The following PAX9 variants were observed in gnomAD, a reference collection of about 807,000 sequenced individuals.
The protein encoded by PAX9 is paired box protein Pax-9.
Under a neutral mutation model 29.1 loss-of-function variants are expected in PAX9, and 6 were observed. The observed-to-expected ratio is 0.21, with a 90% CI of 0.11 to 0.41. The LOEUF (loss-of-function observed/expected upper bound fraction) is 0.41, where lower values mean the gene tolerates loss of function less well. Among genes scored for constraint, PAX9 ranks in the 10% least tolerant of loss-of-function variants. The probability of loss-of-function intolerance (pLI) is 1.00; values close to 1 mark genes in which losing one functional copy is unlikely to be tolerated. For missense variants in PAX9, 443 were observed against 479.1 expected (o/e 0.92, Z 0.70); for synonymous variants, 217 against 211.7 (o/e 1.03, Z -0.22).
rs758080963 is a variant in PAX9 at position 36,676,502 on chromosome 14, C to T, written c.*50C>T. On this transcript the variant is annotated 3_prime_UTR_variant, in exon 4 of 4. Transcript: ENST00000361487. ...TCACCCGGGTCTCCCTGTCTCAGCA[C>T]CTCCTCCCCCAATTCCCAGGTCTCA... 2 of 1,599,894 alleles carry T rather than the reference C, an allele frequency of 1.3e-6. No individual in the cohort carries two copies. The highest frequency in any genetic ancestry group is 1.1e-5 in the South Asian group (1 of 90,586).
Position 36,679,062 on chromosome 14 carries a change from A to G in PAX9, c.*2610A>G, listed in dbSNP as rs1882055148. The G allele has an allele frequency of 5.1e-6, 5 of 985,526 alleles. No individual in the cohort carries two copies. Among genetic ancestry groups the G allele is most frequent in the Non-Finnish European group, 6.0e-6 (5 of 829,994 alleles). 61.0% of individuals were successfully genotyped at this position (985,526 alleles called of 1,614,324 possible). On this transcript the variant is annotated 3_prime_UTR_variant, in exon 4 of 4. Coordinates refer to ENST00000361487, the MANE Select transcript of PAX9 (RefSeq NM_001372076.1). Reference sequence around the variant, plus strand: ...AGAAATCCTTTTCTATCTGATCCACATGGAGAGGTTAAAGGTTCAATTTCA... The same window carrying G: ...AGAAATCCTTTTCTATCTGATCCACGTGGAGAGGTTAAAGGTTCAATTTCA...
Position 36,662,006 on chromosome 14 carries a change from A to C in PAX9, c.-84A>C. On this transcript the variant is annotated 5_prime_UTR_variant, in exon 1 of 4. Coordinates refer to ENST00000361487, the MANE Select transcript of PAX9 (RefSeq NM_001372076.1). ...GGCGCCGGCGGTCGGCCGGGATAGCAACAGGCCGGGCCACTGAGGCGGTGC... is the reference window on the plus strand; with the variant it reads ...GGCGCCGGCGGTCGGCCGGGATAGCCACAGGCCGGGCCACTGAGGCGGTGC... The C allele has an allele frequency of 1.3e-6, 2 of 1,536,302 alleles. No individual in the cohort carries two copies. The highest frequency in any genetic ancestry group is 2.4e-5 in the South Asian group (2 of 83,748).
At chr14:36,666,211 A>T (rs994520993) in intron 2 of PAX9, 1 of 538,916 alleles carries the variant, frequency 1.9e-6, no homozygotes, top group Non-Finnish European at 3.3e-6. Context: ...TGAAAAAGAA[A>T]AAAGTGTCTT....
At position 36,663,230 on chromosome 14, in the gene PAX9, A is replaced by G; in HGVS notation, c.338A>G (p.Asp113Gly). The G allele has an allele frequency of 6.2e-7, 1 of 1,614,070 alleles. No homozygotes were observed. Among genetic ancestry groups the G allele is most frequent in the Non-Finnish European group, 8.5e-7 (1 of 1,180,028 alleles). The change falls in exon 2 of 4, where the codon GAC (aspartate) becomes GGC (glycine). Residue 113 changes from aspartate (D) to glycine (G), a missense_variant. Asp to Gly is a moderately conservative substitution (Grantham distance 94). This residue lies in a region of PAX9 where 336 missense variants were observed against 317.2 expected (regional missense o/e 1.06). Coordinates refer to ENST00000361487, the MANE Select transcript of PAX9 (RefSeq NM_001372076.1). The stretch of plus-strand genomic sequence containing the variant: ...CGCCTGCTGGCGGACGGCGTGTGCG[A>G]CAAGTACAATGTGCCCTCCGTGAGC... ...RDRLLADGVC[D>G]KYNVPSVSSI... is the part of the protein sequence containing the mutation.
At position 36,678,476 on chromosome 14, in the gene PAX9, G is replaced by A. The variant is rs1020022432; in HGVS notation, c.*2024G>A. ...TGTAAAACTTCCATTGACATCTGGA[G>A]TTCCCAGTCTGGTGAGAAAATAGAC... On this transcript the variant is annotated 3_prime_UTR_variant, in exon 4 of 4. Transcript: ENST00000361487. 2 of 1,535,986 alleles carry A rather than the reference G, an allele frequency of 1.3e-6. No individual in the cohort carries two copies. The highest frequency in any genetic ancestry group is 1.7e-6 in the Non-Finnish European group (2 of 1,145,928).
At chr14:36,658,526 T>C (rs1052808894), upstream of PAX9, 4 of 152,480 alleles carry the variant, frequency 2.6e-5, no homozygotes, top group East Asian at 1.9e-4. Flanking sequence ...TATCCTCCCA[T>C]CCACAGTCAT....
rs558654407 is a variant in PAX9, at chr14:36,662,056, G to C, written c.-34G>C. On this transcript the variant is annotated 5_prime_UTR_variant, in exon 1 of 4. Transcript: ENST00000361487. The stretch of plus-strand genomic sequence containing the variant: ...CGGAAAGTTTCTGTCTGGGAGTGCG[G>C]AACTGGGGCCGGGTTGGTGTACTGC... The C allele has an allele frequency of 2.3e-5, 36 of 1,558,336 alleles. No homozygotes were observed. The highest frequency in any genetic ancestry group is 3.0e-5 in the Non-Finnish European group (35 of 1,151,808).
Position 36,678,993 on chromosome 14 carries a change from T to C in PAX9, c.*2541T>C. The C allele has an allele frequency of 3.1e-6, 3 of 970,304 alleles. No individual in the cohort carries two copies. Among genetic ancestry groups the C allele is most frequent in the Non-Finnish European group, 1.2e-6 (1 of 825,466 alleles). 60.1% of individuals were successfully genotyped at this position (970,304 alleles called of 1,614,324 possible). On this transcript the variant is annotated 3_prime_UTR_variant, in exon 4 of 4. Coordinates refer to ENST00000361487, the MANE Select transcript of PAX9 (RefSeq NM_001372076.1). ...ATGTTGACATATTTCCTCTATCTCA[T>C]AGATGGTAAAAGTGTTGCTTTTAAA...
chr14:36,667,497 C>T (rs1349217897), intron 3 of PAX9, among the ~76,000 whole-genome samples: 6 of 152,176 alleles, frequency 3.9e-5, no homozygotes, highest in African/African-American at 1.4e-4. Flanking sequence ...ATCTCTTAAT[C>T]CCAAACTCAA....
chr14:36,670,257 G>C (rs1034189437), intron 3 of PAX9, among the ~76,000 whole-genome samples: 15 of 152,016 alleles, frequency 9.9e-5, no homozygotes, highest in African/African-American at 3.4e-4. Context: ...TGGGGTTGCA[G>C]ATATTAATTT....
At chr14:36,666,382 G>T in intron 2 of PAX9, 80 bp from the exon 3 acceptor site, 1 of 1,540,704 alleles carries the variant, frequency 6.5e-7, no homozygotes, top group Non-Finnish European at 8.8e-7. Context: ...CCAGCTCTCC[G>T]TCGCGGGTTT....
At chr14:36,662,399 A>G (rs1881310213) in intron 1 of PAX9, among the ~76,000 whole-genome samples, 1 of 152,220 alleles carries the variant, frequency 6.6e-6, no homozygotes, top group Non-Finnish European at 1.5e-5. Context: ...ACACGCGCGC[A>G]CACATGCAAA....
intron 2 of PAX9, among the ~76,000 whole-genome samples, chr14:36,664,729 G>A (rs565680713): frequency 8.5e-5 from 13 of 152,178 alleles, no homozygotes; most frequent in African/African-American, 2.4e-4. Context: ...AATAGGAAAG[G>A]GGGAAATAGT....
chr14:36,668,743 AATGCTTAATTTATAATAC>A (rs139323422), intron 3 of PAX9, among the ~76,000 whole-genome samples: 11,906 of 152,192 alleles, frequency 0.078, 848 homozygotes, highest in African/African-American at 0.19. Context: ...TTTGTTTGGA[AATGCTTAATTTATAATAC>A]ACTTCAAAAC....
upstream of PAX9, chr14:36,661,825 C>A: frequency 1.8e-6 from 1 of 560,656 alleles, no homozygotes; most frequent in Non-Finnish European, 3.2e-6. Flanking sequence ...GGCGTGTCCC[C>A]AGTGAGTGAT....
chr14:36,658,550 A>G (rs1319166521), upstream of PAX9: 1 of 152,324 alleles, frequency 6.6e-6, no homozygotes, highest in Non-Finnish European at 1.5e-5. Flanking sequence ...TGACCTGTAG[A>G]CCCGGAGGAG....
intron 1 of PAX9, chr14:36,662,677 C>T (rs916670948): frequency 6.6e-6 from 4 of 603,266 alleles, no homozygotes; most frequent in Non-Finnish European, 1.2e-5. Context: ...GCCGTAGGGG[C>T]CTCCGGCACG....
At position 36,678,346 on chromosome 14, in the gene PAX9, TA is replaced by T; in HGVS notation, c.*1897del. The T allele has an allele frequency of 3.9e-6, 3 of 769,436 alleles. No individual in the cohort carries two copies. The highest frequency in any genetic ancestry group is 1.7e-5 in the South Asian group (1 of 58,874). 47.7% of individuals were successfully genotyped at this position (769,436 alleles called of 1,614,324 possible). A position where few individuals can be genotyped will look rare whatever the true frequency, so the allele number is the denominator to read the frequency against. ...GAGAGCTTTGAACTGCATTTATTTC[TA>T]AAGCAACCGAAATTCAGTGCTACAA... On this transcript the variant is annotated 3_prime_UTR_variant, in exon 4 of 4. Transcript: ENST00000361487.
chr14:36,666,151 A>C (rs1049483303), intron 2 of PAX9: 3 of 361,162 alleles, frequency 8.3e-6, no homozygotes, highest in Middle Eastern at 7.5e-4. Context: ...GGTTTCTTCC[A>C]CTCCTTTGCC....
Sources: allele counts gnomAD v4.1 joint callset (sites outside exome capture counted in the v4.1 genomes callset), GRCh38; gene constraint gnomAD v4.1.1; regional missense constraint gnomAD v4.1.1; transcripts MANE v1.5; gene names NCBI Gene and HGNC (gene_info 2026-07-23, HGNC 2026-07-21).